Variants in FAM120B observed in about 807,000 individuals in gnomAD.
The protein encoded by FAM120B is family with sequence similarity 120 member B.
A neutral mutation model predicts 96.3 loss-of-function variants in FAM120B; 83 were observed. The observed-to-expected ratio is 0.86, with a 90% CI of 0.72 to 1.03. FAM120B has a LOEUF of 1.03. Among genes scored for constraint, FAM120B ranks in the 50% least tolerant of loss-of-function variants. The pLI is 0.00. For synonymous variants in FAM120B, 407 were observed against 402.7 expected (o/e 1.01, Z -0.13); for missense variants, 1,027 against 1,121.2 (o/e 0.92, Z 1.20).
chr6:170,366,866 C>T lies in FAM120B; in HGVS notation c.2283+8548C>T, dbSNP rs1788836676. 2.6e-5 allele frequency among the ~76,000 whole-genome samples: 4 copies of T among 152,288 alleles called. 1 individual carries two copies. In the South Asian group the frequency reaches 8.3e-4, roughly 32 times the overall value. On this transcript the variant is annotated intron_variant, in intron 6 of 10. Coordinates refer to ENST00000476287, the MANE Select transcript of FAM120B (RefSeq NM_032448.3). Reference sequence around the variant, plus strand: ...AGGACACACACACTCACCGCCCTGCCCAGCCTCGGATAAGCTCATGTTATT... The same window carrying T: ...AGGACACACACACTCACCGCCCTGCTCAGCCTCGGATAAGCTCATGTTATT...
intron 6 of FAM120B, among the ~76,000 whole-genome samples, chr6:170,373,306 G>C (rs1789305666): frequency 6.6e-6 from 1 of 152,130 alleles, no homozygotes; most frequent in Non-Finnish European, 1.5e-5. Flanking sequence ...CATTGGGTTG[G>C]ACAAGCCAAA....
intron 10 of FAM120B, 42 bp downstream of exon 10, chr6:170,404,643 G>A: frequency 7.0e-7 from 1 of 1,436,226 alleles, no homozygotes; most frequent in Non-Finnish European, 9.8e-7. Context: ...TCAGTCACAT[G>A]TCTGTCTTAA....
intron 6 of FAM120B, among the ~76,000 whole-genome samples, chr6:170,361,942 C>G (rs888360372): frequency 6.6e-6 from 1 of 152,070 alleles, no homozygotes; most frequent in African/African-American, 2.4e-5. Context: ...TCCAGGCACA[C>G]ACCACCACAC....
At chr6:170,387,059 C>A (rs1478167100) in intron 6 of FAM120B, among the ~76,000 whole-genome samples, 1 of 152,218 alleles carries the variant, frequency 6.6e-6, no homozygotes, top group Non-Finnish European at 1.5e-5. Flanking sequence ...GTAGGAAATA[C>A]ACTTCTCACT....
At chr6:170,315,131 T>C (rs1391500158) in intron 1 of FAM120B, among the ~76,000 whole-genome samples, 2 of 152,218 alleles carry the variant, frequency 1.3e-5, no homozygotes, top group Non-Finnish European at 2.9e-5. Context: ...CTCCTGGGCC[T>C]GCAGCAGCCA....
chr6:170,326,357 A>T (rs1387013802), intron 3 of FAM120B, among the ~76,000 whole-genome samples: 1 of 152,120 alleles, frequency 6.6e-6, no homozygotes, highest in Non-Finnish European at 1.5e-5. Context: ...CACTCCCTCC[A>T]TGTGCCCCTG....
At chr6:170,333,906 A>G (rs1008345111) in intron 4 of FAM120B, among the ~76,000 whole-genome samples, 3 of 152,142 alleles carry the variant, frequency 2.0e-5, no homozygotes, top group African/African-American at 4.8e-5. Flanking sequence ...TTTAGCTTCC[A>G]TTTCCCAAAC....
At chr6:170,380,398 T>C (rs1287890970) in intron 6 of FAM120B, among the ~76,000 whole-genome samples, 3 of 152,192 alleles carry the variant, frequency 2.0e-5, no homozygotes, top group Admixed American at 6.5e-5. Context: ...ATATGGTAGC[T>C]CTATTTTTAG....
chr6:170,380,747 G>A (rs1006070574), intron 6 of FAM120B, among the ~76,000 whole-genome samples: 8 of 152,182 alleles, frequency 5.3e-5, no homozygotes, highest in African/African-American at 1.9e-4. Context: ...TTGGATGTTA[G>A]CCCCTTATTA....
intron 4 of FAM120B, among the ~76,000 whole-genome samples, chr6:170,337,447 G>A (rs1786514091): frequency 6.6e-6 from 1 of 152,244 alleles, no homozygotes; most frequent in Non-Finnish European, 1.5e-5. Context: ...ATTTTATTGA[G>A]GATTTTCGCA....
At chr6:170,300,019 T>C (rs1237764178) in intron 1 of FAM120B, among the ~76,000 whole-genome samples, 2 of 152,240 alleles carry the variant, frequency 1.3e-5, no homozygotes. Context: ...GCATTCTCTA[T>C]GTAGAAATCA....
chr6:170,396,110 G>A (rs184994292), intron 9 of FAM120B, among the ~76,000 whole-genome samples: 13 of 152,246 alleles, frequency 8.5e-5, no homozygotes, highest in Middle Eastern at 3.4e-3. Flanking sequence ...CTCAAATTCC[G>A]TATAGTTTTG....
At chr6:170,325,207 T>C (rs1032030287) in intron 3 of FAM120B, among the ~76,000 whole-genome samples, 1 of 152,172 alleles carries the variant, frequency 6.6e-6, no homozygotes, top group African/African-American at 2.4e-5. Flanking sequence ...TGTCCTAAAG[T>C]TGTCTTTGTT....
chr6:170,319,763 G>A (rs574070816), intron 2 of FAM120B, among the ~76,000 whole-genome samples: 4 of 152,348 alleles, frequency 2.6e-5, no homozygotes, highest in African/African-American at 9.6e-5. Flanking sequence ...CAAAGACTTG[G>A]GAGTTGTGGA....
At chr6:170,386,138 T>C (rs534720716) in intron 6 of FAM120B, among the ~76,000 whole-genome samples, 39 of 151,828 alleles carry the variant, frequency 2.6e-4, no homozygotes, top group African/African-American at 9.2e-4. Context: ...GACATGTCAG[T>C]GTGGGTTTGC....
chr6:170,401,664 A>C (rs1345508647), intron 9 of FAM120B, among the ~76,000 whole-genome samples: 2 of 152,232 alleles, frequency 1.3e-5, no homozygotes, highest in Non-Finnish European at 2.9e-5. Flanking sequence ...ATACAGGCTG[A>C]GTATCCCAAG....
chr6:170,357,296 A>G (rs938467732), intron 5 of FAM120B, among the ~76,000 whole-genome samples: 8 of 152,016 alleles, frequency 5.3e-5, no homozygotes, highest in Non-Finnish European at 1.2e-4. Flanking sequence ...TGGGAGAGGA[A>G]TGTCTCTACC....
At chr6:170,357,899 A>G (rs1053082918) in intron 5 of FAM120B, among the ~76,000 whole-genome samples, 1 of 152,200 alleles carries the variant, frequency 6.6e-6, no homozygotes, top group Non-Finnish European at 1.5e-5. Flanking sequence ...TGCTCTTTCC[A>G]CCTGCATACT....
chr6:170,341,811 A>G (rs1161024091), intron 4 of FAM120B, among the ~76,000 whole-genome samples: 2 of 152,184 alleles, frequency 1.3e-5, no homozygotes, highest in Non-Finnish European at 2.9e-5. Flanking sequence ...GGGCTGAACC[A>G]ATGCCTAACC....
Sources: gnomAD v4.1 joint callset for allele counts (sites outside exome capture counted in the v4.1 genomes callset) on GRCh38, gnomAD v4.1.1 for gene constraint, MANE v1.5 for transcripts, NCBI Gene and HGNC (gene_info 2026-07-23, HGNC 2026-07-21) for gene names.